The following SIPA1L1 variants were observed in gnomAD, a reference collection of about 807,000 sequenced individuals.
SIPA1L1 encodes signal induced proliferation associated 1 like 1.
In SIPA1L1, 26 loss-of-function variants were observed where a neutral mutation model predicts 162.7. The ratio of observed to expected loss-of-function variants is 0.16; its 90% CI spans 0.12 to 0.22. SIPA1L1 has a LOEUF of 0.22. SIPA1L1 is among the 10% of genes least tolerant of loss of function. The probability of loss-of-function intolerance (pLI) is 1.00; values close to 1 mark genes in which losing one functional copy is unlikely to be tolerated. For synonymous variants in SIPA1L1, 829 were observed against 837.4 expected (o/e 0.99, Z 0.17); for missense variants, 1,874 against 2,241.0 (o/e 0.84, Z 3.31).
intron 14 of SIPA1L1, among the ~76,000 whole-genome samples, chr14:71,701,061 G>T (rs919642054): frequency 7.5e-6 from 1 of 133,460 alleles, no homozygotes; most frequent in African/African-American, 2.8e-5. Context: ...TGTTTTTCTA[G>T]CCCCTTCTAC....
At chr14:71,566,472 G>A (rs922197929) in intron 4 of SIPA1L1, among the ~76,000 whole-genome samples, 1 of 152,158 alleles carries the variant, frequency 6.6e-6, no homozygotes, top group African/African-American at 2.4e-5. Context: ...GGGTTAGCAG[G>A]ATGTATTATA....
At chr14:71,405,234 C>G (rs2041957379) in intron 2 of SIPA1L1, among the ~76,000 whole-genome samples, 4 of 152,188 alleles carry the variant, frequency 2.6e-5, no homozygotes, top group Admixed American at 2.0e-4. Flanking sequence ...GACACCTAAG[C>G]TAGGCAAAGA....
intron 7 of SIPA1L1, among the ~76,000 whole-genome samples, chr14:71,629,603 A>G (rs532647829): frequency 6.6e-6 from 1 of 152,368 alleles, no homozygotes; most frequent in Admixed American, 6.5e-5. Context: ...TATTTAAGGT[A>G]CAGTTGCTAG....
chr14:71,694,721 C>T (rs1597038533), intron 13 of SIPA1L1, among the ~76,000 whole-genome samples: 3 of 152,304 alleles, frequency 2.0e-5, no homozygotes, highest in Non-Finnish European at 4.4e-5. Flanking sequence ...AAAGATCTCA[C>T]AGCAATTGAA....
chr14:71,584,580 T>C (rs1185263907), intron 4 of SIPA1L1, among the ~76,000 whole-genome samples: 1 of 151,562 alleles, frequency 6.6e-6, no homozygotes, highest in South Asian at 2.1e-4. Context: ...ACACAGGGGG[T>C]GATTTGGATG....
chr14:71,517,247 A>C (rs1008486584), intron 3 of SIPA1L1, among the ~76,000 whole-genome samples: 4 of 152,092 alleles, frequency 2.6e-5, no homozygotes, highest in African/African-American at 9.7e-5. Context: ...ACTTTTGGGA[A>C]GCTTTTAATG....
At chr14:71,532,331 T>C (rs1470069598) in intron 4 of SIPA1L1, among the ~76,000 whole-genome samples, 1 of 152,236 alleles carries the variant, frequency 6.6e-6, no homozygotes, top group African/African-American at 2.4e-5. Flanking sequence ...TTTTTGTTTG[T>C]TTCTTGTGGA....
intron 2 of SIPA1L1, chr14:71,330,745 A>G: frequency 1.2e-6 from 1 of 827,790 alleles, no homozygotes; most frequent in South Asian, 1.3e-5. Flanking sequence ...ATCATAAGGA[A>G]TCTGGCTGTC....
At position 71,376,456 on chromosome 14, in the gene SIPA1L1, C is replaced by T. The variant is rs574254599; in HGVS notation, c.-465+55275C>T. 4.0e-4 allele frequency among the ~76,000 whole-genome samples: 61 copies of T among 151,382 alleles called. 2 individuals are homozygous for T. The highest frequency in any genetic ancestry group is 1.4e-3 in the African/African-American group (57 of 41,294). On this transcript the variant is annotated intron_variant, in intron 2 of 23. Coordinates refer to ENST00000381232, the MANE Select transcript of SIPA1L1 (RefSeq NM_001386936.1). ...AGTATTTAAAAATCAGGAGGTTCCA[C>T]GTGATCCAGATTTAAGCTACTCTTG...
chr14:71,520,657 T>G (rs35231795), intron 3 of SIPA1L1, among the ~76,000 whole-genome samples: 24,854 of 152,258 alleles, frequency 0.16, 2,641 homozygotes, highest in Middle Eastern at 0.35. Context: ...CAGCATTACA[T>G]GCATGATAGT....
chr14:71,330,719 A>G, intron 2 of SIPA1L1: 2 of 872,174 alleles, frequency 2.3e-6, no homozygotes. Context: ...GCAGGCAGGA[A>G]AACCACCGGG....
intron 3 of SIPA1L1, among the ~76,000 whole-genome samples, chr14:71,515,766 T>G (rs2051658225): frequency 6.6e-6 from 1 of 152,082 alleles, no homozygotes. Context: ...GCCTCCCAAA[T>G]AACTGCTACT....
intron 2 of SIPA1L1, among the ~76,000 whole-genome samples, chr14:71,461,171 C>T (rs566361445): frequency 6.6e-6 from 1 of 152,194 alleles, no homozygotes; most frequent in African/African-American, 2.4e-5. Flanking sequence ...AACCTCTGCC[C>T]TTTCCGTGAT....
chr14:71,602,474 A>G (rs571960896), intron 5 of SIPA1L1, among the ~76,000 whole-genome samples: 9 of 152,372 alleles, frequency 5.9e-5, no homozygotes, highest in African/African-American at 1.9e-4. Context: ...TTTGGGTCCT[A>G]ACATACAGTC....
At chr14:71,410,974 A>G (rs1052018602) in intron 2 of SIPA1L1, among the ~76,000 whole-genome samples, 1 of 152,138 alleles carries the variant, frequency 6.6e-6, no homozygotes, top group East Asian at 1.9e-4. Flanking sequence ...TTTTCCTTAA[A>G]TAGGCTGGAG....
intron 4 of SIPA1L1, among the ~76,000 whole-genome samples, chr14:71,561,779 G>C (rs967213543): frequency 1.3e-5 from 2 of 152,088 alleles, no homozygotes; most frequent in African/African-American, 2.4e-5. Context: ...TAGAGACGGA[G>C]TTTCACCATG....
chr14:71,435,601 G>T (rs2044316118), intron 2 of SIPA1L1, among the ~76,000 whole-genome samples: 1 of 152,174 alleles, frequency 6.6e-6, no homozygotes, highest in Admixed American at 6.5e-5. Context: ...TGGGTTCCAA[G>T]TCTTTGCTAT....
intron 3 of SIPA1L1, among the ~76,000 whole-genome samples, chr14:71,523,359 C>T (rs969304255): frequency 5.3e-5 from 8 of 150,014 alleles, no homozygotes; most frequent in South Asian, 4.2e-4. Flanking sequence ...TTCTTTTTTT[C>T]GCTTTTTATT....
intron 7 of SIPA1L1, among the ~76,000 whole-genome samples, chr14:71,639,094 C>T (rs2041445141): frequency 6.6e-6 from 1 of 152,160 alleles, no homozygotes; most frequent in African/African-American, 2.4e-5. Flanking sequence ...TTGAAAACTA[C>T]AAAACCCTGA....
Sources: allele counts gnomAD v4.1 joint callset (sites outside exome capture counted in the v4.1 genomes callset), GRCh38; gene constraint gnomAD v4.1.1; transcripts MANE v1.5; gene names NCBI Gene and HGNC (gene_info 2026-07-23, HGNC 2026-07-21).